Variants in ERC1 observed in about 807,000 individuals in gnomAD.
The protein encoded by ERC1 is ELKS/RAB6-interacting/CAST family member 1.
Under a neutral mutation model 132.0 loss-of-function variants are expected in ERC1, and 56 were observed. The ratio of observed to expected loss-of-function variants is 0.42; its 90% CI spans 0.34 to 0.53. The LOEUF (loss-of-function observed/expected upper bound fraction) is 0.53, where lower values mean the gene tolerates loss of function less well. Ranked by LOEUF, ERC1 falls within the 20% of genes least tolerant of loss-of-function variation. The probability of loss-of-function intolerance (pLI) is 0.03; values close to 1 mark genes in which losing one functional copy is unlikely to be tolerated. For synonymous variants in ERC1, 478 were observed against 476.1 expected, an observed-to-expected ratio of 1.00 and a Z score of -0.05; for missense variants, 1,202 against 1,349.9, an observed-to-expected ratio of 0.89 and a Z score of 1.72.
intron 13 of ERC1, among the ~76,000 whole-genome samples, chr12:1,255,496 G>T (rs2076738781): frequency 6.6e-6 from 1 of 151,794 alleles, no homozygotes. Flanking sequence ...GGTATTTCTA[G>T]TTCTAGATCC....
intron 2 of ERC1, among the ~76,000 whole-genome samples, chr12:1,033,832 T>C (rs1429840759): frequency 6.6e-6 from 1 of 151,792 alleles, no homozygotes; most frequent in Non-Finnish European, 1.5e-5. Flanking sequence ...ATTTTGCCAT[T>C]TTGGCCAGGC....
intron 14 of ERC1, among the ~76,000 whole-genome samples, chr12:1,288,014 G>A (rs1475626053): frequency 6.6e-6 from 1 of 152,174 alleles, no homozygotes; most frequent in Non-Finnish European, 1.5e-5. Context: ...AGCCAGAATA[G>A]CCAAAAACAT....
chr12:1,473,615 G>A (rs932446447), intron 18 of ERC1, among the ~76,000 whole-genome samples: 14 of 129,746 alleles, frequency 1.1e-4, no homozygotes, highest in Non-Finnish European at 1.9e-4. Context: ...GGGGGACAGA[G>A]TGAGACTCTA....
rs57315267 is a variant in ERC1 at position 1,493,544 on chromosome 12, A to ATATAT, written c.*3314_*3315insTATAT. On this transcript the variant is annotated 3_prime_UTR_variant, in exon 19 of 19. Coordinates refer to ENST00000360905, the MANE Select transcript of ERC1 (RefSeq NM_178040.4). The stretch of plus-strand genomic sequence containing the variant: ...AGAGACTCCATTTAAAAAAAAAAAA[A>ATATAT]AAAAATATATATATATATATATATA... 80 of 22,460 alleles carry ATATAT rather than the reference A, an allele frequency of 3.6e-3. No individual in the cohort carries two copies. Among genetic ancestry groups the ATATAT allele is most frequent in the South Asian group, 5.0e-3 (2 of 400 alleles). The allele number at this position is 22,460 out of a possible 1,614,324, so 1.4% of individuals were successfully genotyped here.
intron 2 of ERC1, among the ~76,000 whole-genome samples, chr12:1,053,004 TA>T (rs1972304535): frequency 6.6e-6 from 1 of 152,152 alleles, no homozygotes; most frequent in Non-Finnish European, 1.5e-5. Flanking sequence ...GCAATCATTT[TA>T]TCCTGTTTTT....
chr12:1,254,890 T>A (rs906842777), intron 13 of ERC1, among the ~76,000 whole-genome samples: 4 of 152,104 alleles, frequency 2.6e-5, no homozygotes, highest in Non-Finnish European at 5.9e-5. Flanking sequence ...AATTAACATA[T>A]CCATCACCTC....
intron 7 of ERC1, among the ~76,000 whole-genome samples, chr12:1,121,677 A>ATCTATC (rs370783673): frequency 0.029 from 233 of 8,170 alleles, 14 homozygotes; most frequent in South Asian, 0.12. Context: ...CTCTATCTCT[A>ATCTATC]TCTATCTCTA....
intron 8 of ERC1, among the ~76,000 whole-genome samples, chr12:1,169,327 G>C (rs1593912438): frequency 1.3e-5 from 2 of 152,090 alleles, no homozygotes; most frequent in Non-Finnish European, 2.9e-5. Flanking sequence ...ACACCACCTT[G>C]CCCGAGGGCA....
intron 1 of ERC1, among the ~76,000 whole-genome samples, chr12:999,808 T>C (rs185329105): frequency 4.1e-4 from 63 of 152,222 alleles, no homozygotes; most frequent in African/African-American, 1.4e-3. Flanking sequence ...TTGGTCAGGC[T>C]GGTCTCAAAC....
chr12:1,010,598 C>T (rs1203271606), intron 1 of ERC1, among the ~76,000 whole-genome samples: 1 of 151,148 alleles, frequency 6.6e-6, no homozygotes, highest in African/African-American at 2.4e-5. Context: ...GCAACCTCCA[C>T]CTCCCAGGTT....
At chr12:1,212,740 C>T (rs899196221) in intron 12 of ERC1, among the ~76,000 whole-genome samples, 1 of 152,124 alleles carries the variant, frequency 6.6e-6, no homozygotes, top group Non-Finnish European at 1.5e-5. Context: ...CCAGGTTACA[C>T]CCGTGAAAAG....
chr12:1,043,166 C>T (rs1428972927), intron 2 of ERC1, among the ~76,000 whole-genome samples: 2 of 151,754 alleles, frequency 1.3e-5, no homozygotes, highest in African/African-American at 4.8e-5. Flanking sequence ...ACCTCAGTCT[C>T]CCAAGTAGCA....
intron 2 of ERC1, among the ~76,000 whole-genome samples, chr12:1,048,392 C>T (rs1971414293): frequency 6.6e-6 from 1 of 152,160 alleles, no homozygotes; most frequent in African/African-American, 2.4e-5. Context: ...AGATGGCTTC[C>T]CCTCCTGGTT....
intron 12 of ERC1, among the ~76,000 whole-genome samples, chr12:1,193,972 A>C (rs1955981967): frequency 6.6e-6 from 1 of 152,234 alleles, no homozygotes; most frequent in Non-Finnish European, 1.5e-5. Context: ...ATAAACAAAC[A>C]AACCAGAGCT....
chr12:1,107,981 A>G (rs566693526), intron 4 of ERC1, among the ~76,000 whole-genome samples: 1 of 152,338 alleles, frequency 6.6e-6, no homozygotes, highest in African/African-American at 2.4e-5. Flanking sequence ...ACAGAGTAGT[A>G]AAGTGAAAAG....
chr12:1,122,569 G>GTA lies in ERC1; in HGVS notation c.1569+6537_1569+6538insAT, dbSNP rs1947622364. 1.3e-3 allele frequency among the ~76,000 whole-genome samples: 8 copies of GTA among 5,948 alleles called. 1 individual carries two copies. Among genetic ancestry groups the GTA allele is most frequent in the African/African-American group, 2.9e-3 (5 of 1,744 alleles). The allele number at this position is 5,948 out of a possible 152,430, so 3.9% of individuals were successfully genotyped here. On this transcript the variant is annotated intron_variant, in intron 7 of 18. Coordinates refer to ENST00000360905, the MANE Select transcript of ERC1 (RefSeq NM_178040.4). ...TGTGTCTCTATCTCTATCTCTATCT[G>GTA]TGTCTCTATCTCTATCTCTATCTCT...
intron 15 of ERC1, among the ~76,000 whole-genome samples, chr12:1,339,077 C>T (rs930402742): frequency 6.6e-6 from 1 of 152,232 alleles, no homozygotes; most frequent in Non-Finnish European, 1.5e-5. Context: ...ACAACTGTGA[C>T]AGGGTGCTAG....
intron 17 of ERC1, among the ~76,000 whole-genome samples, chr12:1,436,878 A>G (rs578162640): frequency 1.2e-4 from 18 of 152,108 alleles, no homozygotes; most frequent in Non-Finnish European, 1.9e-4. Context: ...CTTTTGCCTC[A>G]TGTTTCTTCC....
At chr12:1,144,491 A>T (rs1439961559) in intron 8 of ERC1, among the ~76,000 whole-genome samples, 1 of 151,956 alleles carries the variant, frequency 6.6e-6, no homozygotes. Context: ...TGTAAGTGAG[A>T]ACATGCAATG....
Sources: allele counts gnomAD v4.1 joint callset (sites outside exome capture counted in the v4.1 genomes callset), GRCh38; gene constraint gnomAD v4.1.1; transcripts MANE v1.5; gene names NCBI Gene and HGNC (gene_info 2026-07-23, HGNC 2026-07-21).